Variants in FRMD6 observed in about 807,000 individuals in gnomAD.
The protein encoded by FRMD6 is FERM domain containing 6.
A neutral mutation model predicts 73.2 loss-of-function variants in FRMD6; 37 were observed. That is an observed-to-expected ratio of 0.51 (90% confidence interval 0.39 to 0.66). The LOEUF (loss-of-function observed/expected upper bound fraction) is 0.66. Among genes scored for constraint, FRMD6 ranks in the 30% least tolerant of loss-of-function variants. The pLI is 0.00. For synonymous variants in FRMD6, 273 were observed against 282.2 expected, an observed-to-expected ratio of 0.97 and a Z score of 0.33; for missense variants, 714 against 780.5, an observed-to-expected ratio of 0.91 and a Z score of 1.02.
At chr14:51,695,350 A>G (rs887562083) in intron 2 of FRMD6, among the ~76,000 whole-genome samples, 1 of 152,202 alleles carries the variant, frequency 6.6e-6, no homozygotes, top group African/African-American at 2.4e-5. Flanking sequence ...ATGGAACTCA[A>G]AATCCAGAGG....
chr14:51,427,728 A>G, the FRMD6 span, among the ~76,000 whole-genome samples: 4 of 152,246 alleles, frequency 2.6e-5, no homozygotes, highest in Non-Finnish European at 5.9e-5. Context: ...TATACTTGTT[A>G]GCTTGTGCTG....
chr14:51,700,654 C>T (rs1199581668), intron 3 of FRMD6, among the ~76,000 whole-genome samples: 1 of 151,838 alleles, frequency 6.6e-6, no homozygotes, highest in African/African-American at 2.4e-5. Flanking sequence ...GTGTTTCTGC[C>T]CTGCTTTATT....
chr14:51,420,245 C>A, the FRMD6 span, among the ~76,000 whole-genome samples: 2 of 152,196 alleles, frequency 1.3e-5, no homozygotes, highest in Non-Finnish European at 2.9e-5. Flanking sequence ...TAAAGTCACT[C>A]TACTACTATT....
the FRMD6 span, among the ~76,000 whole-genome samples, chr14:51,468,330 G>A: frequency 1.3e-5 from 2 of 148,514 alleles, no homozygotes; most frequent in Non-Finnish European, 3.0e-5. Flanking sequence ...AGAGGGGGAG[G>A]GGGAGGGAGC....
At chr14:51,554,838 G>A (rs1887038147) in intron 1 of FRMD6, 3 of 152,204 alleles carry the variant, frequency 2.0e-5, no homozygotes, top group Non-Finnish European at 2.9e-5. Context: ...CAAAAGTATG[G>A]ACTGTAGTTA....
chr14:51,475,327 A>G, the FRMD6 span, among the ~76,000 whole-genome samples: 1 of 152,208 alleles, frequency 6.6e-6, no homozygotes, highest in African/African-American at 2.4e-5. Context: ...CTTATTTTTC[A>G]TGGTTCAATG....
At chr14:51,432,410 A>T in the FRMD6 span, among the ~76,000 whole-genome samples, 2 of 152,116 alleles carry the variant, frequency 1.3e-5, no homozygotes, top group Non-Finnish European at 2.9e-5. Flanking sequence ...TTTCTTTTGC[A>T]AACAGGTAGA....
intron 1 of FRMD6, among the ~76,000 whole-genome samples, chr14:51,521,305 C>T (rs953036035): frequency 6.9e-4 from 105 of 151,754 alleles, no homozygotes; most frequent in African/African-American, 2.4e-3. Context: ...TATAAATACA[C>T]CAAAGTAAAA....
the FRMD6 span, among the ~76,000 whole-genome samples, chr14:51,475,403 C>T: frequency 2.0e-5 from 3 of 152,212 alleles, no homozygotes; most frequent in African/African-American, 7.2e-5. Flanking sequence ...GTAACTTTTG[C>T]TACGAGCTGA....
chr14:51,541,679 A>G (rs1473928357), intron 1 of FRMD6, among the ~76,000 whole-genome samples: 1 of 152,042 alleles, frequency 6.6e-6, no homozygotes, highest in Non-Finnish European at 1.5e-5. Flanking sequence ...AGCACTAGAA[A>G]CAAAAATTGC....
chr14:51,407,465 A>G, the FRMD6 span, among the ~76,000 whole-genome samples: 1 of 151,868 alleles, frequency 6.6e-6, no homozygotes, highest in East Asian at 1.9e-4. Context: ...AACAAATATT[A>G]CCAAACATTC....
chr14:51,462,782 G>A, the FRMD6 span, among the ~76,000 whole-genome samples: 1 of 147,454 alleles, frequency 6.8e-6, no homozygotes, highest in African/African-American at 2.5e-5. Context: ...AAATAAGGGA[G>A]GAAGAGAGAG....
chr14:51,497,306 G>C (rs1347667100), intron 1 of FRMD6, among the ~76,000 whole-genome samples: 1 of 145,692 alleles, frequency 6.9e-6, no homozygotes, highest in Admixed American at 7.0e-5. Flanking sequence ...TTGCTTGCTT[G>C]TAGAAAGTTG....
At chr14:51,399,180 A>G in the FRMD6 span, among the ~76,000 whole-genome samples, 2 of 152,136 alleles carry the variant, frequency 1.3e-5, no homozygotes, top group African/African-American at 2.4e-5. Flanking sequence ...CTGAGTCAGA[A>G]TTTACCACTC....
intron 2 of FRMD6, among the ~76,000 whole-genome samples, chr14:51,626,219 A>G (rs1409828477): frequency 6.6e-6 from 1 of 152,156 alleles, no homozygotes; most frequent in Non-Finnish European, 1.5e-5. Flanking sequence ...AAACTATTCC[A>G]TTCTCCTTTT....
At chr14:51,490,166 T>C (rs1882912313) in intron 1 of FRMD6, among the ~76,000 whole-genome samples, 2 of 152,068 alleles carry the variant, frequency 1.3e-5, no homozygotes, top group Admixed American at 1.3e-4. Flanking sequence ...TAGAAGGAAG[T>C]GATAAAGGGA....
rs907634400 is a variant in FRMD6 at position 51,728,141 on chromosome 14, C to G, written c.*112C>G. ...TATCTTCTTCACCCTAAACATAGCT[C>G]TTTCTTTATAATATTTGTGATGATG... On this transcript the variant is annotated 3_prime_UTR_variant, in exon 14 of 14. Transcript: ENST00000344768. The G allele has an allele frequency of 4.3e-5, 41 of 945,822 alleles. No homozygotes were observed. Among genetic ancestry groups the G allele is most frequent in the Non-Finnish European group, 6.3e-5 (41 of 648,434 alleles). The allele number at this position is 945,822 out of a possible 1,614,324, so 58.6% of individuals were successfully genotyped here.
upstream of FRMD6, among the ~76,000 whole-genome samples, chr14:51,487,272 T>G (rs141191627): frequency 3.3e-5 from 5 of 152,346 alleles, no homozygotes; most frequent in Admixed American, 1.3e-4. Flanking sequence ...TATAAAGAAT[T>G]TTGATTACAT....
intron 1 of FRMD6, among the ~76,000 whole-genome samples, chr14:51,660,374 A>T (rs949845375): frequency 6.6e-6 from 1 of 152,140 alleles, no homozygotes; most frequent in Non-Finnish European, 1.5e-5. Flanking sequence ...TCCTGGGGCC[A>T]CTGGATTTAT....
Sources: allele counts gnomAD v4.1 joint callset (sites outside exome capture counted in the v4.1 genomes callset), GRCh38; gene constraint gnomAD v4.1.1; transcripts MANE v1.5; gene names NCBI Gene and HGNC (gene_info 2026-07-23, HGNC 2026-07-21).